Variants in C1QTNF9B observed in about 807,000 individuals in gnomAD.
The protein encoded by C1QTNF9B is C1q and TNF related 9B.
In C1QTNF9B, 9 loss-of-function variants were observed where a neutral mutation model predicts 10.1. That is an observed-to-expected ratio of 0.89 (90% confidence interval 0.53 to 1.55). The LOEUF (loss-of-function observed/expected upper bound fraction) is 1.55, where lower values mean the gene tolerates loss of function less well. Ranked by LOEUF, C1QTNF9B falls within the 40% of genes most tolerant of loss-of-function variation. C1QTNF9B has a pLI of 0.00. For missense variants in C1QTNF9B, 196 were observed against 414.4 expected (o/e 0.47, Z 4.58); for synonymous variants, 79 against 159.9 (o/e 0.49, Z 3.82).
upstream of C1QTNF9B, chr13:23,897,275 C>T (rs923856840): frequency 3.2e-5 from 15 of 461,680 alleles, no homozygotes; most frequent in East Asian, 1.9e-4. Flanking sequence ...GATACTCTTC[C>T]GTTCATCATT....
At chr13:23,896,245 C>T (rs1299956688) in intron 1 of C1QTNF9B, among the ~76,000 whole-genome samples, 2 of 152,228 alleles carry the variant, frequency 1.3e-5, no homozygotes, top group Non-Finnish European at 2.9e-5. Context: ...AGCACTCAGA[C>T]TTCCAGGCTT....
At chr13:23,897,448 T>A (rs1872239740), upstream of C1QTNF9B, 1 of 177,280 alleles carries the variant, frequency 5.6e-6, no homozygotes, top group African/African-American at 2.4e-5. Context: ...CTGCTGTGCA[T>A]CTACACAAAA....
Position 23,896,579 on chromosome 13 carries a change from G to A in C1QTNF9B, c.166+242C>T, listed in dbSNP as rs116641635. On this transcript the variant is annotated intron_variant, in intron 1 of 2. Transcript: ENST00000382137. ...AGAACCCAGGAGGGCAGGGGTCATG[G>A]CGATCTGGCCCTGTGCTCTCCACCA... Among the ~76,000 whole-genome samples the A allele has an allele frequency of 2.6e-3, 389 of 152,298 alleles. 2 individuals carry two copies. Among genetic ancestry groups the A allele is most frequent in the African/African-American group, 8.9e-3 (371 of 41,552 alleles).
At chr13:23,893,746 A>C (rs1872100223) in intron 2 of C1QTNF9B, among the ~76,000 whole-genome samples, 1 of 152,218 alleles carries the variant, frequency 6.6e-6, no homozygotes, top group African/African-American at 2.4e-5. Context: ...TTGGGATTAC[A>C]GGTGTGAGGC....
At chr13:23,895,459 CTTCT>C (rs1872162229) in intron 1 of C1QTNF9B, among the ~76,000 whole-genome samples, 1 of 151,760 alleles carries the variant, frequency 6.6e-6, no homozygotes, top group Non-Finnish European at 1.5e-5. Context: ...ATTGAATGTC[CTTCT>C]AAGAAAGAAT....
chr13:23,891,734 T>C (rs1415015004), exon 3 of C1QTNF9B: 1 of 1,613,934 alleles, frequency 6.2e-7, no homozygotes, highest in Non-Finnish European at 8.5e-7. Flanking sequence ...CTCTCCTCGA[T>C]CTCCTTTCCA....
chr13:23,896,844 G>A lies in C1QTNF9B; in HGVS notation c.143C>T (p.Ala48Val), dbSNP rs144799910. ...ACCTGCATCGCCTTTGTCACCCTTC[G>A]CTCCGTCTCGTCCATCTCTTCCAGG... Residue 48 changes from alanine to valine, a missense_variant, in exon 1 of 3, where the codon GCG (alanine) becomes GTG (valine). Ala to Val is a moderately conservative substitution (Grantham distance 64, BLOSUM62 0). Transcript: ENST00000382137. 21 of 1,613,002 alleles carry A rather than the reference G, an allele frequency of 1.3e-5. No individual in the cohort carries two copies. In the Admixed American group the frequency reaches 1.5e-4, roughly 12 times the overall value.
At chr13:23,893,436 C>T (rs373264718) in intron 2 of C1QTNF9B, among the ~76,000 whole-genome samples, 13 of 152,162 alleles carry the variant, frequency 8.5e-5, no homozygotes, top group African/African-American at 3.1e-4. Context: ...GCCTCCCTCC[C>T]GCAAGCAAAA....
chr13:23,897,236 C>A, upstream of C1QTNF9B: 1 of 497,240 alleles, frequency 2.0e-6, no homozygotes, highest in Non-Finnish European at 3.5e-6. Flanking sequence ...GCTGAACGGG[C>A]AATAAAAAAA....
intron 1 of C1QTNF9B, among the ~76,000 whole-genome samples, chr13:23,895,785 A>C (rs1349677308): frequency 2.0e-5 from 3 of 151,810 alleles, no homozygotes; most frequent in Admixed American, 6.6e-5. Context: ...ACACACACAC[A>C]CCACTGTGGT....
chr13:23,897,097 G>A, upstream of C1QTNF9B: 1 of 1,459,994 alleles, frequency 6.8e-7, no homozygotes, highest in Non-Finnish European at 9.4e-7. Flanking sequence ...AAATGGATGA[G>A]CTGTCCCCTG....
At chr13:23,895,635 T>C (rs1566035799) in intron 1 of C1QTNF9B, among the ~76,000 whole-genome samples, 1 of 152,184 alleles carries the variant, frequency 6.6e-6, no homozygotes, top group Non-Finnish European at 1.5e-5. Flanking sequence ...GAAGTGTTTG[T>C]CTTAGTTCTC....
chr13:23,893,163 C>G (rs1752396777), intron 2 of C1QTNF9B, among the ~76,000 whole-genome samples: 1 of 152,214 alleles, frequency 6.6e-6, no homozygotes, highest in Non-Finnish European at 1.5e-5. Context: ...GCCTCTGTTC[C>G]CTCACCTACG....
At chr13:23,894,311 T>A in intron 1 of C1QTNF9B, 110 bp from the exon 4 acceptor site, 2 of 1,019,562 alleles carry the variant, frequency 2.0e-6, no homozygotes, top group Non-Finnish European at 3.0e-6. Context: ...ACCCCCGCCC[T>A]GACGGGCACT....
chr13:23,897,209 T>C (rs1293923801), upstream of C1QTNF9B: 2 of 555,560 alleles, frequency 3.6e-6, no homozygotes. Flanking sequence ...ACACTTGTGA[T>C]TGGAACCACT....
exon 1 of C1QTNF9B, chr13:23,896,965 G>C: frequency 6.2e-7 from 1 of 1,613,864 alleles, no homozygotes; most frequent in Non-Finnish European, 8.5e-7. Context: ...TCAATGGCAA[G>C]CAGAAGCCAC....
At chr13:23,892,898 A>T (rs1872067577) in intron 2 of C1QTNF9B, among the ~76,000 whole-genome samples, 1 of 152,198 alleles carries the variant, frequency 6.6e-6, no homozygotes, top group South Asian at 2.1e-4. Context: ...TAGTCGTGAC[A>T]TCCTCTAAAA....
intron 2 of C1QTNF9B, among the ~76,000 whole-genome samples, chr13:23,892,305 A>G (rs965640821): frequency 1.3e-5 from 2 of 152,164 alleles, no homozygotes; most frequent in African/African-American, 4.8e-5. Flanking sequence ...CCCGGCCAAC[A>G]TAGCAATTCC....
At chr13:23,891,382 C>T in exon 3 of C1QTNF9B, 1 of 1,581,472 alleles carries the variant, frequency 6.3e-7, no homozygotes, top group South Asian at 1.1e-5. Flanking sequence ...CTGTCACCTG[C>T]AGCCACATCT....
Sources: allele counts gnomAD v4.1 joint callset (sites outside exome capture counted in the v4.1 genomes callset), GRCh38; gene constraint gnomAD v4.1.1; transcripts MANE v1.5; gene names NCBI Gene and HGNC (gene_info 2026-07-23, HGNC 2026-07-21).